Variants in MPDZ observed in about 807,000 individuals in gnomAD.
MPDZ encodes multiple PDZ domain crumbs cell polarity complex component.
MPDZ carries 234 observed loss-of-function variants against 239.1 expected under a neutral mutation model. The observed-to-expected ratio is 0.98, with a 90% confidence interval of 0.88 to 1.09. The LOEUF (loss-of-function observed/expected upper bound fraction) is 1.09, where lower values mean the gene tolerates loss of function less well. Ranked by LOEUF, MPDZ falls within the 50% of genes least tolerant of loss-of-function variation. The probability of loss-of-function intolerance (pLI) is 0.00; values close to 1 mark genes in which losing one functional copy is unlikely to be tolerated. For missense variants in MPDZ, 3,175 were observed against 2,510.0 expected (o/e 1.26, Z -5.66); for synonymous variants, 1,048 against 881.3 (o/e 1.19, Z -3.35).
At chr9:13,119,851 T>A in intron 38 of MPDZ, 6 of 590,640 alleles carry the variant, frequency 1.0e-5, no homozygotes, top group Non-Finnish European at 1.8e-5. Flanking sequence ...CTTCATAGAT[T>A]AAAATGATCT....
intron 21 of MPDZ, among the ~76,000 whole-genome samples, chr9:13,171,559 T>G (rs1951787460): frequency 6.6e-6 from 1 of 152,124 alleles, no homozygotes; most frequent in African/African-American, 2.4e-5. Context: ...TTTTTTACCT[T>G]CAAGTCCAAA....
chr9:13,226,837 T>TACATTGGC, intron 3 of MPDZ, among the ~76,000 whole-genome samples: 1 of 152,244 alleles, frequency 6.6e-6, no homozygotes, highest in East Asian at 1.9e-4. Context: ...TTGTTCAACA[T>TACATTGGC]ACATTGGCAG....
In MPDZ at chr9:13,202,498, G is replaced by A. The variant is rs138475830; in HGVS notation, c.1546+2538C>T. On this transcript the variant is annotated intron_variant, in intron 12 of 46. Coordinates refer to ENST00000319217, the MANE Select transcript of MPDZ (RefSeq NM_001378778.1). Reference sequence around the variant, plus strand: ...AACCAGCCAGTATCTTCAACATGGCGTACCCACTTATCAGAGTGCAGAATA... The same window carrying A: ...AACCAGCCAGTATCTTCAACATGGCATACCCACTTATCAGAGTGCAGAATA... Among the ~76,000 whole-genome samples, 144 of 152,252 alleles carry A rather than the reference G, an allele frequency of 9.5e-4. 2 individuals are homozygous for A. Among genetic ancestry groups the A allele is most frequent in the African/African-American group, 3.2e-3 (135 of 41,564 alleles).
intron 10 of MPDZ, among the ~76,000 whole-genome samples, chr9:13,213,879 T>C (rs963126112): frequency 3.3e-5 from 5 of 152,086 alleles, no homozygotes; most frequent in African/African-American, 1.2e-4. Flanking sequence ...AAATAATATC[T>C]GCTTAATTAT....
chr9:13,127,163 C>CT (rs1411829415), intron 32 of MPDZ, among the ~76,000 whole-genome samples: 1 of 152,212 alleles, frequency 6.6e-6, no homozygotes, highest in Non-Finnish European at 1.5e-5. Flanking sequence ...TGGCCTGTCG[C>CT]TTGGAAATAA....
Position 13,210,422 on chromosome 9 carries a change from G to GT in MPDZ, c.1291-4324dup, listed in dbSNP as rs75912848. On this transcript the variant is annotated intron_variant, in intron 10 of 46. Transcript: ENST00000319217. ...AATGTTAAGAAAAACTTAAGAGGAA[G>GT]TTTTTTTTTTTTTTTAAGAGGAAAG... Among the ~76,000 whole-genome samples the GT allele has an allele frequency of 2.1e-3, 308 of 145,600 alleles. 1 individual carries two copies. The highest frequency in any genetic ancestry group is 2.8e-3 in the African/African-American group (110 of 39,084).
intron 1 of MPDZ, among the ~76,000 whole-genome samples, chr9:13,254,316 T>G (rs1385344027): frequency 6.6e-6 from 1 of 152,226 alleles, no homozygotes; most frequent in Non-Finnish European, 1.5e-5. Context: ...TCCATACATC[T>G]TTAAACAAAT....
chr9:13,211,212 AGAATACCC>A (rs1957578737), intron 10 of MPDZ, among the ~76,000 whole-genome samples: 1 of 152,150 alleles, frequency 6.6e-6, no homozygotes, highest in Admixed American at 6.6e-5. Flanking sequence ...TTACTCTACA[AGAATACCC>A]CAAGACATGA....
intron 1 of MPDZ, among the ~76,000 whole-genome samples, chr9:13,267,415 G>A (rs1451519145): frequency 6.6e-6 from 1 of 152,090 alleles, no homozygotes. Flanking sequence ...CAGAAAGATA[G>A]TGTTTTCTCC....
rs755487892 is a variant in MPDZ, at chr9:13,198,737, C to CTCTGTGTGTGTGTGTGTGTGTGTG, written c.1547-2508_1547-2507insCACACACACACACACACACACAGA. On this transcript the variant is annotated intron_variant, in intron 12 of 46. Coordinates refer to ENST00000319217, the MANE Select transcript of MPDZ (RefSeq NM_001378778.1). The stretch of plus-strand genomic sequence containing the variant: ...ATATTTAGGTCTTTAATCTCTCTCT[C>CTCTGTGTGTGTGTGTGTGTGTGTG]TGTGTGTGTGTGTGTGTGTGTGTGT... Among the ~76,000 whole-genome samples the CTCTGTGTGTGTGTGTGTGTGTGTG allele has an allele frequency of 7.7e-3, 537 of 69,560 alleles. 6 individuals carry two copies. The highest frequency in any genetic ancestry group is 0.011 in the Non-Finnish European group (367 of 34,376). 45.6% of individuals were successfully genotyped at this position (69,560 alleles called of 152,430 possible).
intron 1 of MPDZ, among the ~76,000 whole-genome samples, chr9:13,269,606 T>A (rs189925588): frequency 6.6e-6 from 1 of 152,200 alleles, no homozygotes; most frequent in Non-Finnish European, 1.5e-5. Context: ...CTTCTGTTAA[T>A]TGAACATGCA....
At chr9:13,163,757 A>G (rs1187876834) in intron 22 of MPDZ, among the ~76,000 whole-genome samples, 1 of 152,200 alleles carries the variant, frequency 6.6e-6, no homozygotes, top group African/African-American at 2.4e-5. Context: ...AATAATAAGT[A>G]TACAAAACCT....
At chr9:13,165,258 C>T (rs1300524579) in intron 22 of MPDZ, 13 of 1,068,406 alleles carry the variant, frequency 1.2e-5, no homozygotes, top group Non-Finnish European at 1.3e-6. Flanking sequence ...TATACAAAAT[C>T]TATATCTGGA....
At chr9:13,202,853 T>C (rs1290995098) in intron 12 of MPDZ, among the ~76,000 whole-genome samples, 1 of 152,216 alleles carries the variant, frequency 6.6e-6, no homozygotes, top group African/African-American at 2.4e-5. Flanking sequence ...TCTCTGCTTC[T>C]CTCTCTAGTT....
intron 12 of MPDZ, among the ~76,000 whole-genome samples, chr9:13,197,918 G>A (rs934883409): frequency 2.0e-5 from 3 of 152,022 alleles, no homozygotes; most frequent in Non-Finnish European, 2.9e-5. Flanking sequence ...TGTTACAAAA[G>A]ACAAAACTTC....
At position 13,168,514 on chromosome 9, in the gene MPDZ, T is replaced by C. The variant is rs1435912430; in HGVS notation, c.3106A>G (p.Ile1036Val). ...KDGLGMIVRS[I>V]IHGGAISRDG... is the part of the protein sequence containing the mutation. ...CGACTAATGGCACCTCCATGAATAA[T>C]GCTTCGAACGATCATCCCCAAGCCA... is the stretch of plus-strand genomic sequence containing the variant. The change falls in exon 22 of 47, where the codon ATT (isoleucine) becomes GTT (valine). Residue 1036 changes from isoleucine (I) to valine (V), a missense_variant. Coordinates refer to ENST00000319217, the MANE Select transcript of MPDZ (RefSeq NM_001378778.1). 1.2e-6 allele frequency: 2 copies of C among 1,613,036 alleles called. No homozygotes were observed. The highest frequency in any genetic ancestry group is 2.2e-5 in the South Asian group (2 of 90,920).
chr9:13,124,228 C>G (rs762179336), intron 35 of MPDZ, among the ~76,000 whole-genome samples: 31 of 152,070 alleles, frequency 2.0e-4, no homozygotes, highest in Non-Finnish European at 3.7e-4. Flanking sequence ...TTTTTATAGA[C>G]AACACTATTT....
intron 23 of MPDZ, among the ~76,000 whole-genome samples, chr9:13,158,987 A>G (rs971327396): frequency 2.0e-5 from 3 of 152,172 alleles, no homozygotes; most frequent in Admixed American, 6.6e-5. Context: ...TAAAGCAGAG[A>G]AGGCTATAAA....
At chr9:13,157,323 C>G (rs1243157509) in intron 24 of MPDZ, among the ~76,000 whole-genome samples, 1 of 152,148 alleles carries the variant, frequency 6.6e-6, no homozygotes, top group African/African-American at 2.4e-5. Context: ...GTCTCTACAT[C>G]TTGCCCAGCC....
Sources: gnomAD v4.1 joint callset for allele counts (sites outside exome capture counted in the v4.1 genomes callset) on GRCh38, gnomAD v4.1.1 for gene constraint, MANE v1.5 for transcripts, NCBI Gene and HGNC (gene_info 2026-07-23, HGNC 2026-07-21) for gene names.